Variants in RFX2 observed in about 807,000 individuals in gnomAD.
RFX2 encodes DNA-binding protein RFX2.
In RFX2, 20 loss-of-function variants were observed where a neutral mutation model predicts 87.8. That is an observed-to-expected ratio of 0.23 (90% CI 0.16 to 0.33). The LOEUF (loss-of-function observed/expected upper bound fraction) is 0.33. Among genes scored for constraint, RFX2 ranks in the 10% least tolerant of loss-of-function variants. RFX2 has a pLI of 1.00. For synonymous variants in RFX2, 397 were observed against 431.3 expected (o/e 0.92, Z 0.98); for missense variants, 767 against 1,012.3 (o/e 0.76, Z 3.29).
rs766269985 is a variant in RFX2 at position 5,993,322 on chromosome 19, GACAA to G, written c.*1509_*1512del. 2.6e-5 allele frequency: 4 copies of G among 152,332 alleles called. No individual in the cohort carries two copies. The highest frequency in any genetic ancestry group is 4.8e-5 in the African/African-American group (2 of 41,580). The allele number at this position is 152,332 out of a possible 1,614,324, so 9.4% of individuals were successfully genotyped here. A position where few individuals can be genotyped will look rare whatever the true frequency, so the allele number is the denominator to read the frequency against. On this transcript the variant is annotated 3_prime_UTR_variant, in exon 18 of 18. Transcript: ENST00000303657. ...AACTAAGGTTTGGGCTATACGACCA[GACAA>G]ACAGTGTGATTATTCCCAGCTTTTC...
At chr19:6,100,040 T>C (rs1465410021) in intron 1 of RFX2, among the ~76,000 whole-genome samples, 2 of 152,198 alleles carry the variant, frequency 1.3e-5, no homozygotes, top group Non-Finnish European at 2.9e-5. Context: ...GACTCAGCTC[T>C]AGTTTATATT....
intron 1 of RFX2, among the ~76,000 whole-genome samples, chr19:6,069,243 T>C (rs80111252): frequency 0.014 from 2,078 of 152,256 alleles, 54 homozygotes; most frequent in African/African-American, 0.048. Context: ...GCCATCAGTG[T>C]ATAGAATATA....
intron 1 of RFX2, among the ~76,000 whole-genome samples, chr19:6,104,760 C>A (rs2088186676): frequency 6.6e-6 from 1 of 152,078 alleles, no homozygotes. Context: ...GTCAAGGAAA[C>A]CATTTGTTTA....
chr19:6,058,503 C>T (rs1409621452), intron 1 of RFX2, among the ~76,000 whole-genome samples: 13 of 152,194 alleles, frequency 8.5e-5, no homozygotes, highest in Non-Finnish European at 1.6e-4. Flanking sequence ...AGGCTACCCA[C>T]ACATTCCAGA....
chr19:6,002,563 T>C lies in RFX2; in HGVS notation c.1650+158A>G, dbSNP rs1370944116. ...TGATGGAGTGGAGAGAGCTGGGGGC[T>C]GTGGGTGGGCTTTGGCCTGGGACCC... is the stretch of plus-strand genomic sequence containing the variant. On this transcript the variant is annotated intron_variant, in intron 14 of 17. Coordinates refer to ENST00000303657, the MANE Select transcript of RFX2 (RefSeq NM_000635.4). The surrounding 1 kb of genome is among the most constrained non-coding windows in gnomAD (Gnocchi z 6.7). Among the ~76,000 whole-genome samples the C allele has an allele frequency of 3.3e-5, 5 of 152,176 alleles. No individual in the cohort carries two copies. The highest frequency in any genetic ancestry group is 7.4e-5 in the Non-Finnish European group (5 of 68,026).
intron 1 of RFX2, among the ~76,000 whole-genome samples, chr19:6,060,082 C>A (rs1027142174): frequency 4.6e-5 from 7 of 152,026 alleles, no homozygotes; most frequent in African/African-American, 1.7e-4. Context: ...ACTCTTTTGT[C>A]CCCCTTTTCT....
Position 6,110,303 on chromosome 19 carries a change from G to C in RFX2, c.-9+90C>G, listed in dbSNP as rs1318294784. 1.0e-5 allele frequency: 1 copy of C among 96,726 alleles called. No homozygotes were observed. Among genetic ancestry groups the C allele is most frequent in the Non-Finnish European group, 2.1e-5 (1 of 47,666 alleles). The allele number at this position is 96,726 out of a possible 1,614,324, so 6.0% of individuals were successfully genotyped here. A position where few individuals can be genotyped will look rare whatever the true frequency, so the allele number is the denominator to read the frequency against. On this transcript the variant is annotated intron_variant, in intron 1 of 17. Coordinates refer to ENST00000303657, the MANE Select transcript of RFX2 (RefSeq NM_000635.4). This position sits in a 1 kb window ranked among gnomAD's most constrained non-coding sequence, Gnocchi z 4.3. The stretch of plus-strand genomic sequence containing the variant: ...GACGTTTGGGGTGAGCGGCGGGGAC[G>C]TGCTGCCCGCCCCCCGGCCCCCGAA...
At position 6,023,263 on chromosome 19, in the gene RFX2, C is replaced by T. The variant is rs1222706967; in HGVS notation, c.597+2900G>A. On this transcript the variant is annotated intron_variant, in intron 6 of 17. Coordinates refer to ENST00000303657, the MANE Select transcript of RFX2 (RefSeq NM_000635.4). The surrounding 1 kb of genome is among the most constrained non-coding windows in gnomAD (Gnocchi z 4.9). Reference sequence around the variant, plus strand: ...TCTCCAGGGCCCAGCTGCTCCCACACACTTGGCTTATCTGCCACAGGGTCA... The same window carrying T: ...TCTCCAGGGCCCAGCTGCTCCCACATACTTGGCTTATCTGCCACAGGGTCA... 1 of 152,378 alleles carries T rather than the reference C, an allele frequency of 6.6e-6. No individual in the cohort carries two copies. Among genetic ancestry groups the T allele is most frequent in the Non-Finnish European group, 1.5e-5 (1 of 68,146 alleles). The allele number at this position is 152,378 out of a possible 1,614,324, so 9.4% of individuals were successfully genotyped here. A position where few individuals can be genotyped will look rare whatever the true frequency, so the allele number is the denominator to read the frequency against.
At chr19:6,054,738 A>G (rs1371614099) in intron 1 of RFX2, among the ~76,000 whole-genome samples, 3 of 152,216 alleles carry the variant, frequency 2.0e-5, no homozygotes, top group Non-Finnish European at 4.4e-5. Flanking sequence ...TTCAAGTTAG[A>G]ACATGAACTT....
At chr19:6,094,112 A>C (rs1260616024) in intron 1 of RFX2, among the ~76,000 whole-genome samples, 2 of 152,148 alleles carry the variant, frequency 1.3e-5, no homozygotes, top group Admixed American at 6.6e-5. Flanking sequence ...AATGCAAAAA[A>C]CACTAAAGAA....
At chr19:6,058,648 T>C (rs1172690301) in intron 1 of RFX2, among the ~76,000 whole-genome samples, 1 of 152,096 alleles carries the variant, frequency 6.6e-6, no homozygotes, top group Non-Finnish European at 1.5e-5. Context: ...GGACTGGAGC[T>C]GGCTCCGAGC....
In RFX2 at chr19:6,040,935, C is replaced by T. The variant is rs2087097304; in HGVS notation, c.261-694G>A. ...ACACGCACGCACATGCAAGGGTACACACATGAACATGCAAAGCCACATGTA... is the reference window on the plus strand; with the variant it reads ...ACACGCACGCACATGCAAGGGTACATACATGAACATGCAAAGCCACATGTA... On this transcript the variant is annotated intron_variant, in intron 4 of 17. Coordinates refer to ENST00000303657, the MANE Select transcript of RFX2 (RefSeq NM_000635.4). The surrounding 1 kb of genome is among the most constrained non-coding windows in gnomAD (Gnocchi z 6.1). Among the ~76,000 whole-genome samples, 1 of 152,110 alleles carries T rather than the reference C, an allele frequency of 6.6e-6. No homozygotes were observed. Among genetic ancestry groups the T allele is most frequent in the Admixed American group, 6.6e-5 (1 of 15,266 alleles).
chr19:6,000,918 C>CT (rs928597144), intron 15 of RFX2, among the ~76,000 whole-genome samples: 22 of 152,320 alleles, frequency 1.4e-4, no homozygotes, highest in Non-Finnish European at 2.5e-4. Context: ...ATAACTGGCT[C>CT]TTTTTTTAAA....
intron 17 of RFX2, among the ~76,000 whole-genome samples, chr19:5,995,199 C>T (rs2086388762): frequency 6.6e-6 from 1 of 152,212 alleles, no homozygotes; most frequent in South Asian, 2.1e-4. Context: ...CCAGCGCCGA[C>T]GGGCCTGGGG....
Position 6,026,143 on chromosome 19 carries a change from C to T in RFX2, c.597+20G>A. ...TACAAGCAGAGCAGGGACAGGTTGC[C>T]AGGTCAGACGCACACTTACATGGCT... On this transcript the variant is annotated intron_variant, in intron 6 of 17. Coordinates refer to ENST00000303657, the MANE Select transcript of RFX2 (RefSeq NM_000635.4). This position sits in a 1 kb window ranked among gnomAD's most constrained non-coding sequence, Gnocchi z 4.5. 2 of 1,605,506 alleles carry T rather than the reference C, an allele frequency of 1.2e-6. No individual in the cohort carries two copies. Among genetic ancestry groups the T allele is most frequent in the Non-Finnish European group, 1.7e-6 (2 of 1,173,920 alleles).
intron 1 of RFX2, chr19:6,072,945 T>G: frequency 4.0e-6 from 3 of 759,062 alleles, no homozygotes; most frequent in East Asian, 5.5e-5. Context: ...CCAGAGGTAT[T>G]GACAATAGGG....
chr19:6,036,533 C>T (rs748539407), intron 5 of RFX2, among the ~76,000 whole-genome samples: 1 of 152,172 alleles, frequency 6.6e-6, no homozygotes, highest in Non-Finnish European at 1.5e-5. Flanking sequence ...TAAACCACCA[C>T]CTTCTATCTC....
Position 6,027,006 on chromosome 19 carries a change from C to A in RFX2, c.523-769G>T, listed in dbSNP as rs116687809. Among the ~76,000 whole-genome samples, 3 of 152,108 alleles carry A rather than the reference C, an allele frequency of 2.0e-5. No individual in the cohort carries two copies. Among genetic ancestry groups the A allele is most frequent in the African/African-American group, 7.2e-5 (3 of 41,402 alleles). On this transcript the variant is annotated intron_variant, in intron 5 of 17. Transcript: ENST00000303657. This position sits in a 1 kb window ranked among gnomAD's most constrained non-coding sequence, Gnocchi z 5.0. ...GCGATGGAGGAGGCACACAGCTGTG[C>A]GTGGCCACTAAGGCATTCGCACGCA...
rs1208174724 is a variant in RFX2, at chr19:6,047,135, T to C, written c.90+272A>G. Reference sequence around the variant, plus strand: ...TTTCCAAGTACAAGAAAACCTCCACTGAAAGCTAAGAAGAGATCAAGTCAG... The same window carrying C: ...TTTCCAAGTACAAGAAAACCTCCACCGAAAGCTAAGAAGAGATCAAGTCAG... On this transcript the variant is annotated intron_variant, in intron 2 of 17. Coordinates refer to ENST00000303657, the MANE Select transcript of RFX2 (RefSeq NM_000635.4). The surrounding 1 kb of genome is among the most constrained non-coding windows in gnomAD (Gnocchi z 4.2). Among the ~76,000 whole-genome samples, 2 of 152,184 alleles carry C rather than the reference T, an allele frequency of 1.3e-5. No homozygotes were observed. The highest frequency in any genetic ancestry group is 4.8e-5 in the African/African-American group (2 of 41,428).
Sources: allele counts gnomAD v4.1 joint callset (sites outside exome capture counted in the v4.1 genomes callset), GRCh38; gene constraint gnomAD v4.1.1; non-coding constraint Gnocchi (gnomAD v3.1); transcripts MANE v1.5; gene names NCBI Gene and HGNC (gene_info 2026-07-23, HGNC 2026-07-21).